The following RP1 variants were observed in gnomAD, a reference collection of about 807,000 sequenced individuals.
RP1 encodes the protein oxygen-regulated protein 1.
In RP1, 16 loss-of-function variants were observed where a neutral mutation model predicts 14.8. The ratio of observed to expected loss-of-function variants is 1.08; its 90% CI spans 0.73 to 1.65. The LOEUF (loss-of-function observed/expected upper bound fraction) is 1.65. Ranked by LOEUF, RP1 falls within the 40% of genes most tolerant of loss-of-function variation. The pLI is 0.00. For missense variants in RP1, 2,631 were observed against 2,535.0 expected (o/e 1.04, Z -0.81); for synonymous variants, 876 against 883.6 (o/e 0.99, Z 0.15).
At chr8:54,618,403 G>A (rs1236956180) in intron 1 of RP1, among the ~76,000 whole-genome samples, 1 of 152,110 alleles carries the variant, frequency 6.6e-6, no homozygotes, top group African/African-American at 2.4e-5. Flanking sequence ...AAAATTCTTA[G>A]CATATTGGCT....
chr8:54,605,914 AT>A (rs1489982724), intron 1 of RP1, among the ~76,000 whole-genome samples: 2 of 143,516 alleles, frequency 1.4e-5, no homozygotes, highest in Admixed American at 6.9e-5. Flanking sequence ...CCATCCCTTT[AT>A]TTTGAGCCTA....
At chr8:54,605,183 T>C (rs964691958) in intron 1 of RP1, among the ~76,000 whole-genome samples, 13 of 152,244 alleles carry the variant, frequency 8.5e-5, no homozygotes, top group African/African-American at 2.9e-4. Context: ...TTTAGTGCTA[T>C]AAATTTCCCT....
At position 54,637,099 on chromosome 8, in the gene RP1, GGTT is replaced by G. The variant is rs1585574351; in HGVS notation, c.788-11884_788-11882del. ...ATTGTCTGGTGCTCTTCCTTCAGCA[GGTT>G]GATGTTGAGGTTAGCCTTGTATGCC... On this transcript the variant is annotated intron_variant, in intron 3 of 22. Coordinates refer to the RP1 transcript ENST00000636932. 4.6e-5 allele frequency among the ~76,000 whole-genome samples: 7 copies of G among 152,272 alleles called. No individual in the cohort carries two copies. The South Asian group carries it at 1.5e-3, about 32-fold the overall frequency.
chr8:54,783,746 T>C (rs768116064), intron 24 of RP1: 2 of 1,157,416 alleles, frequency 1.7e-6, no homozygotes, highest in Non-Finnish European at 2.2e-6. Flanking sequence ...TTTGCTAAGA[T>C]ATATTGTGAT....
chr8:54,614,612 G>A (rs1470261075), upstream of RP1, among the ~76,000 whole-genome samples: 1 of 152,188 alleles, frequency 6.6e-6, no homozygotes, highest in Non-Finnish European at 1.5e-5. Flanking sequence ...TGGATAACAG[G>A]GATACCTGGT....
intron 27 of RP1, among the ~76,000 whole-genome samples, chr8:54,861,425 A>G (rs1181029938): frequency 6.6e-6 from 1 of 151,476 alleles, no homozygotes; most frequent in Non-Finnish European, 1.5e-5. Flanking sequence ...TTTTAACTCA[A>G]CATTGTTTCC....
At chr8:54,713,761 C>T (rs1338926291) in intron 15 of RP1, among the ~76,000 whole-genome samples, 1 of 152,104 alleles carries the variant, frequency 6.6e-6, no homozygotes, top group Non-Finnish European at 1.5e-5. Flanking sequence ...AATTATAAAT[C>T]GTGTTTTACC....
chr8:54,596,862 T>G (rs540163812), intron 1 of RP1, among the ~76,000 whole-genome samples: 1 of 152,322 alleles, frequency 6.6e-6, no homozygotes, highest in East Asian at 1.9e-4. Flanking sequence ...ACCTCTGAAA[T>G]TTTTTGGAAA....
chr8:54,615,491 T>C (rs73679495), upstream of RP1, among the ~76,000 whole-genome samples: 11,049 of 152,200 alleles, frequency 0.073, 1,265 homozygotes, highest in African/African-American at 0.25. Flanking sequence ...TGTGACAAAG[T>C]CCTGAAACAT....
At chr8:54,784,681 A>G (rs1191719318) in intron 24 of RP1, among the ~76,000 whole-genome samples, 1 of 152,120 alleles carries the variant, frequency 6.6e-6, no homozygotes, top group East Asian at 1.9e-4. Flanking sequence ...AACATAGTAA[A>G]CACTGGTAAA....
chr8:54,701,553 C>A lies in RP1; in HGVS notation c.1889C>A (p.Ser630Ter). The A allele has an allele frequency of 6.5e-7, 1 of 1,535,640 alleles. No individual in the cohort carries two copies. Among genetic ancestry groups the A allele is most frequent in the South Asian group, 1.2e-5 (1 of 84,018 alleles). The change falls in exon 14 of 23, where the codon TCG becomes TAG. Residue 630 changes from serine to a stop codon, truncating the protein, a stop_gained. Transcript: ENST00000636932. LOFTEE classifies it high-confidence loss of function. ...CCTAACCGCTGTGCACTTCTTGAGT[C>A]GGCACTGGTTCCTGGTCACACAGTT...
rs34975591 is a variant in RP1 at position 54,640,959 on chromosome 8, CTTT to C, written c.788-8010_788-8008del. 4.7e-3 allele frequency among the ~76,000 whole-genome samples: 601 copies of C among 128,340 alleles called. 2 individuals carry two copies. The highest frequency in any genetic ancestry group is 0.016 in the African/African-American group (562 of 34,754). The allele number at this position is 128,340 out of a possible 152,430, so 84.2% of individuals were successfully genotyped here. A position where few individuals can be genotyped will look rare whatever the true frequency, so the allele number is the denominator to read the frequency against. On this transcript the variant is annotated intron_variant, in intron 3 of 22. Coordinates refer to the RP1 transcript ENST00000636932. ...ATATTTGCCCACCAATATAAATCTCCTTTTTTTTTTTTTTTTTTGAGACAGAGT... is the reference window on the plus strand; with the variant it reads ...ATATTTGCCCACCAATATAAATCTCCTTTTTTTTTTTTTTTGAGACAGAGT...
At chr8:54,748,733 TTATAGAGTAC>T (rs1165508037) in intron 19 of RP1, among the ~76,000 whole-genome samples, 1 of 152,250 alleles carries the variant, frequency 6.6e-6, no homozygotes, top group Admixed American at 6.5e-5. Flanking sequence ...GTATCAGATC[TTATAGAGTAC>T]TATAAATACG....
chr8:54,816,955 T>C (rs1280412856), intron 24 of RP1, among the ~76,000 whole-genome samples: 1 of 152,072 alleles, frequency 6.6e-6, no homozygotes, highest in Non-Finnish European at 1.5e-5. Context: ...CTTTCTCTCC[T>C]GATATCCACC....
intron 27 of RP1, among the ~76,000 whole-genome samples, chr8:54,858,259 C>T (rs915063363): frequency 5.3e-5 from 8 of 152,170 alleles, no homozygotes; most frequent in South Asian, 4.2e-4. Context: ...CATAGTTCAA[C>T]GAGTTCAGGA....
chr8:54,779,635 T>C lies in RP1; in HGVS notation c.3452-3912T>C, dbSNP rs367821703. 3.0e-4 allele frequency among the ~76,000 whole-genome samples: 46 copies of C among 152,328 alleles called. No individual in the cohort carries two copies. The East Asian group carries it at 3.5e-3, about 11-fold the overall frequency. On this transcript the variant is annotated intron_variant, in intron 23 of 28. Transcript: ENST00000637698. ...AAGGGCTATTGAACTTCACTAGCTG[T>C]AGCAACTTTGCTCACCAAAATAACT...
chr8:54,695,022 T>C (rs1175231522), intron 12 of RP1, among the ~76,000 whole-genome samples: 1 of 152,178 alleles, frequency 6.6e-6, no homozygotes, highest in African/African-American at 2.4e-5. Flanking sequence ...ATGTTGCGTC[T>C]TTGTTCTCGT....
At chr8:54,570,725 C>T (rs914595416) in intron 1 of RP1, among the ~76,000 whole-genome samples, 7 of 151,658 alleles carry the variant, frequency 4.6e-5, no homozygotes, top group Non-Finnish European at 8.8e-5. Flanking sequence ...CAAAAAGTGT[C>T]GGAAAGGAAA....
At chr8:54,671,588 C>T (rs2129332584) in intron 7 of RP1, among the ~76,000 whole-genome samples, 1 of 152,168 alleles carries the variant, frequency 6.6e-6, no homozygotes, top group East Asian at 1.9e-4. Context: ...AAAGCTGATT[C>T]TTCTGCCTTA....
Sources: allele counts gnomAD v4.1 joint callset (sites outside exome capture counted in the v4.1 genomes callset), GRCh38; gene constraint gnomAD v4.1.1; transcripts MANE v1.5; gene names NCBI Gene and HGNC (gene_info 2026-07-23, HGNC 2026-07-21).